The following PDZRN4 variants were observed in gnomAD, a reference collection of about 807,000 sequenced individuals.
The protein encoded by PDZRN4 is PDZ domain-containing RING finger protein 4.
A neutral mutation model predicts 99.0 loss-of-function variants in PDZRN4; 70 were observed. The observed-to-expected ratio is 0.71, with a 90% confidence interval of 0.58 to 0.86. The LOEUF (loss-of-function observed/expected upper bound fraction) is 0.86, where lower values mean the gene tolerates loss of function less well. Among genes scored for constraint, PDZRN4 ranks in the 40% least tolerant of loss-of-function variants. The probability of loss-of-function intolerance (pLI) is 0.00; values close to 1 mark genes in which losing one functional copy is unlikely to be tolerated. For synonymous variants in PDZRN4, 551 were observed against 501.6 expected (o/e 1.10, Z -1.32); for missense variants, 1,474 against 1,331.2 (o/e 1.11, Z -1.67).
chr12:41,572,330 A>G, intron 9 of PDZRN4, 34 bp from the exon 10 acceptor site: 4 of 1,529,686 alleles, frequency 2.6e-6, no homozygotes, highest in Non-Finnish European at 3.6e-6. Flanking sequence ...CAAAATCATT[A>G]ATTTTCTTTG....
At chr12:41,509,279 G>C (rs1043533257) in intron 4 of PDZRN4, among the ~76,000 whole-genome samples, 1 of 152,096 alleles carries the variant, frequency 6.6e-6, no homozygotes. Context: ...CATTATGAGG[G>C]AGAGTGAGAA....
intron 7 of PDZRN4, among the ~76,000 whole-genome samples, chr12:41,559,658 C>T (rs538565442): frequency 2.0e-5 from 3 of 152,264 alleles, no homozygotes; most frequent in Admixed American, 6.5e-5. Context: ...AACAACACGA[C>T]TTCTAATGAG....
At chr12:41,393,553 G>T (rs975784307) in intron 3 of PDZRN4, among the ~76,000 whole-genome samples, 3 of 151,954 alleles carry the variant, frequency 2.0e-5, no homozygotes, top group South Asian at 2.1e-4. Flanking sequence ...GCTGTGTAAA[G>T]AATGCTTTTC....
intron 3 of PDZRN4, among the ~76,000 whole-genome samples, chr12:41,296,127 C>T (rs1951492129): frequency 6.6e-6 from 1 of 152,140 alleles, no homozygotes; most frequent in Non-Finnish European, 1.5e-5. Flanking sequence ...AATTTTCCAC[C>T]TGATGAGTGT....
At chr12:41,225,454 A>G (rs1468127084) in intron 3 of PDZRN4, among the ~76,000 whole-genome samples, 2 of 151,222 alleles carry the variant, frequency 1.3e-5, no homozygotes, top group African/African-American at 4.9e-5. Context: ...TTCTGATGTC[A>G]TCTGTCACCT....
intron 3 of PDZRN4, among the ~76,000 whole-genome samples, chr12:41,445,353 T>C (rs572741924): frequency 2.0e-5 from 3 of 152,234 alleles, no homozygotes; most frequent in South Asian, 4.1e-4. Flanking sequence ...GCACATTTGT[T>C]ATTCATTTCC....
At chr12:41,306,818 T>C (rs1951573441) in intron 3 of PDZRN4, among the ~76,000 whole-genome samples, 1 of 152,210 alleles carries the variant, frequency 6.6e-6, no homozygotes, top group South Asian at 2.1e-4. Context: ...TCAGCCATGT[T>C]CCTTGCCTCC....
intron 3 of PDZRN4, among the ~76,000 whole-genome samples, chr12:41,499,029 G>A (rs1332942491): frequency 6.6e-6 from 1 of 151,956 alleles, no homozygotes; most frequent in Non-Finnish European, 1.5e-5. Context: ...ACTTACAAAC[G>A]CATGAGCAGA....
chr12:41,489,068 T>A (rs1937831682), intron 3 of PDZRN4, among the ~76,000 whole-genome samples: 1 of 152,228 alleles, frequency 6.6e-6, no homozygotes, highest in Non-Finnish European at 1.5e-5. Flanking sequence ...GTAAACTTTC[T>A]TAAATTATGA....
chr12:41,439,468 A>T (rs1419032922), intron 3 of PDZRN4, among the ~76,000 whole-genome samples: 1 of 152,180 alleles, frequency 6.6e-6, no homozygotes, highest in Non-Finnish European at 1.5e-5. Flanking sequence ...CTAAATTTAT[A>T]TAAAAGTATA....
intron 3 of PDZRN4, among the ~76,000 whole-genome samples, chr12:41,436,777 A>G (rs562981910): frequency 1.3e-5 from 2 of 152,226 alleles, no homozygotes; most frequent in Non-Finnish European, 2.9e-5. Flanking sequence ...TTATCTAAAC[A>G]TCTAAGCTTA....
intron 3 of PDZRN4, among the ~76,000 whole-genome samples, chr12:41,504,316 T>C (rs558138573): frequency 6.6e-6 from 1 of 152,082 alleles, no homozygotes; most frequent in African/African-American, 2.4e-5. Context: ...TAACAGACTG[T>C]GTGACTGAGA....
chr12:41,209,870 G>T (rs532960425), intron 3 of PDZRN4, among the ~76,000 whole-genome samples: 10 of 149,052 alleles, frequency 6.7e-5, no homozygotes, highest in Non-Finnish European at 1.5e-4. Flanking sequence ...CCAGTAACGG[G>T]ATGGCTGGGT....
chr12:41,420,269 CT>C (rs769904043), intron 3 of PDZRN4, among the ~76,000 whole-genome samples: 31 of 152,062 alleles, frequency 2.0e-4, no homozygotes, highest in African/African-American at 4.6e-4. Flanking sequence ...CCACTCTCAC[CT>C]TTTCTAGATT....
intron 3 of PDZRN4, among the ~76,000 whole-genome samples, chr12:41,231,738 A>G (rs761464014): frequency 5.9e-5 from 9 of 152,070 alleles, no homozygotes; most frequent in South Asian, 4.1e-4. Flanking sequence ...TAGTTCTCAC[A>G]TTTTCTGAAC....
At chr12:41,425,192 T>A (rs965271061) in intron 3 of PDZRN4, among the ~76,000 whole-genome samples, 8 of 152,086 alleles carry the variant, frequency 5.3e-5, no homozygotes, top group African/African-American at 1.9e-4. Context: ...TTTTTAAAAC[T>A]TAAAACATTA....
chr12:41,520,526 C>A (rs1277761757), intron 5 of PDZRN4, among the ~76,000 whole-genome samples: 1 of 151,700 alleles, frequency 6.6e-6, no homozygotes, highest in Non-Finnish European at 1.5e-5. Context: ...TTGTTTTGTT[C>A]TTCAAATTAA....
chr12:41,191,940 A>G (rs2116135), intron 2 of PDZRN4, among the ~76,000 whole-genome samples: 97,098 of 150,792 alleles, frequency 0.64, 31,322 homozygotes, highest in South Asian at 0.69. Flanking sequence ...CTGCCACCAC[A>G]CCCGGCTAAT....
Position 41,487,032 on chromosome 12 carries a change from C to T in PDZRN4, c.844-19424C>T, listed in dbSNP as rs1937790102. Among the ~76,000 whole-genome samples the T allele has an allele frequency of 1.3e-5, 2 of 152,144 alleles. 1 individual carries two copies. On this transcript the variant is annotated intron_variant, in intron 3 of 9. Transcript: ENST00000402685. ...CCACAAAAGAAATACTACAACTCCC[C>T]TCCTCCTGCCCCAATTCTTCTCATT...
Sources: gnomAD v4.1 joint callset for allele counts (sites outside exome capture counted in the v4.1 genomes callset) on GRCh38, gnomAD v4.1.1 for gene constraint, MANE v1.5 for transcripts, NCBI Gene and HGNC (gene_info 2026-07-23, HGNC 2026-07-21) for gene names.